The following GPHN variants were observed in gnomAD, a reference collection of about 807,000 sequenced individuals.
The protein encoded by GPHN is gephyrin.
GPHN carries 17 observed loss-of-function variants against 95.5 expected under a neutral mutation model. That is an observed-to-expected ratio of 0.18 (90% CI 0.12 to 0.27). The LOEUF (loss-of-function observed/expected upper bound fraction) is 0.27. Among genes scored for constraint, GPHN ranks in the 10% least tolerant of loss-of-function variants. The pLI is 1.00. For missense variants in GPHN, 660 were observed against 978.1 expected (o/e 0.67, Z 4.34); for synonymous variants, 320 against 322.5 (o/e 0.99, Z 0.08).
chr14:67,672,081 T>C, the GPHN span, among the ~76,000 whole-genome samples: 56 of 152,184 alleles, frequency 3.7e-4, no homozygotes, highest in Non-Finnish European at 5.9e-4. Flanking sequence ...GAAATGGGCA[T>C]TGCAAAAATT....
chr14:67,405,622 G>C, the GPHN span, among the ~76,000 whole-genome samples: 5 of 152,116 alleles, frequency 3.3e-5, no homozygotes, highest in Non-Finnish European at 5.9e-5. Flanking sequence ...GCAGAGTGAT[G>C]GTATCCCAAT....
chr14:66,990,098 G>A (rs2071304729), intron 9 of GPHN, among the ~76,000 whole-genome samples: 1 of 152,120 alleles, frequency 6.6e-6, no homozygotes, highest in African/African-American at 2.4e-5. Flanking sequence ...GGAAGGTGAA[G>A]GGGAAACAAG....
intron 2 of GPHN, among the ~76,000 whole-genome samples, chr14:66,689,814 C>T (rs890608746): frequency 6.6e-6 from 1 of 151,730 alleles, no homozygotes. Context: ...AATTTGTTGG[C>T]GTATAGTTGT....
intron 11 of GPHN, among the ~76,000 whole-genome samples, chr14:67,060,108 C>T (rs115226597): frequency 0.054 from 8,084 of 149,524 alleles, 213 homozygotes; most frequent in Non-Finnish European, 0.064. Context: ...CTGGTTTTTT[C>T]TTTTTTATAA....
the GPHN span, chr14:67,591,995 T>C: frequency 2.0e-5 from 3 of 152,320 alleles, no homozygotes; most frequent in African/African-American, 7.2e-5. Context: ...TATTAAATTA[T>C]TTACAAAGCA....
intron 4 of GPHN, among the ~76,000 whole-genome samples, chr14:66,875,832 TAGAC>T (rs1193481063): frequency 1.3e-5 from 2 of 152,088 alleles, no homozygotes; most frequent in Non-Finnish European, 2.9e-5. Context: ...CTGTCAATGT[TAGAC>T]AGATCAACGA....
chr14:66,787,617 G>A (rs2059822734), intron 3 of GPHN, among the ~76,000 whole-genome samples: 1 of 152,052 alleles, frequency 6.6e-6, no homozygotes, highest in African/African-American at 2.4e-5. Context: ...TATAGTATTG[G>A]CAGAGAAATA....
the GPHN span, among the ~76,000 whole-genome samples, chr14:67,539,294 C>G: frequency 2.6e-5 from 4 of 152,196 alleles, no homozygotes; most frequent in East Asian, 1.9e-4. Flanking sequence ...TGTCTTTTGT[C>G]TTCCTGCCCG....
At chr14:67,143,804 A>G (rs961316344) in intron 18 of GPHN, among the ~76,000 whole-genome samples, 2 of 152,050 alleles carry the variant, frequency 1.3e-5, no homozygotes, top group African/African-American at 2.4e-5. Flanking sequence ...AAATTTAAAC[A>G]TGACTCCCCA....
the GPHN span, among the ~76,000 whole-genome samples, chr14:67,216,199 G>T: frequency 6.6e-6 from 1 of 152,128 alleles, no homozygotes; most frequent in Admixed American, 6.5e-5. Flanking sequence ...ATTACATTAA[G>T]ATTTACTCCT....
intron 1 of GPHN, among the ~76,000 whole-genome samples, chr14:66,553,737 C>T (rs564221084): frequency 4.6e-5 from 7 of 152,156 alleles, no homozygotes; most frequent in African/African-American, 7.2e-5. Context: ...CCACCACGCC[C>T]GCCTAATTTT....
At chr14:66,874,716 T>C (rs1444630920) in intron 4 of GPHN, among the ~76,000 whole-genome samples, 1 of 151,868 alleles carries the variant, frequency 6.6e-6, no homozygotes, top group Non-Finnish European at 1.5e-5. Context: ...GAAAAAAGAA[T>C]GAAAAGGAAT....
intron 1 of GPHN, among the ~76,000 whole-genome samples, chr14:66,518,922 T>C (rs192239828): frequency 8.5e-5 from 13 of 152,130 alleles, no homozygotes; most frequent in African/African-American, 2.9e-4. Context: ...TCTGTAGCAT[T>C]GTAGGGTGAC....
intron 18 of GPHN, among the ~76,000 whole-genome samples, chr14:67,157,711 C>A (rs1003704983): frequency 6.6e-6 from 1 of 152,012 alleles, no homozygotes; most frequent in East Asian, 1.9e-4. Flanking sequence ...GTAATCCCAC[C>A]CAGCTACTTG....
chr14:67,156,287 A>G (rs1182004974), intron 18 of GPHN, among the ~76,000 whole-genome samples: 1 of 152,140 alleles, frequency 6.6e-6, no homozygotes, highest in African/African-American at 2.4e-5. Flanking sequence ...TATATACAAT[A>G]AATAAAATAC....
chr14:66,892,304 T>A (rs576758681), intron 5 of GPHN, among the ~76,000 whole-genome samples: 1 of 152,172 alleles, frequency 6.6e-6, no homozygotes, highest in South Asian at 2.1e-4. Context: ...ACACCTATAA[T>A]CCTAGCTACT....
chr14:66,720,207 T>G (rs150882198), intron 2 of GPHN, among the ~76,000 whole-genome samples: 1,829 of 152,298 alleles, frequency 0.012, 19 homozygotes, highest in Non-Finnish European at 0.018. Context: ...ACATTTTCAA[T>G]TGTCTAAAGA....
chr14:66,935,457 G>A (rs762578882), intron 8 of GPHN, among the ~76,000 whole-genome samples: 10 of 149,774 alleles, frequency 6.7e-5, no homozygotes, highest in African/African-American at 9.8e-5. Flanking sequence ...ATGTGTGTGT[G>A]TGAATATATA....
At chr14:67,581,592 G>A in the GPHN span, 3 of 169,716 alleles carry the variant, frequency 1.8e-5, no homozygotes, top group Admixed American at 5.5e-5. Flanking sequence ...CTTTATGAGA[G>A]TGAAATTTTG....
Sources: allele counts gnomAD v4.1 joint callset (sites outside exome capture counted in the v4.1 genomes callset), GRCh38; gene constraint gnomAD v4.1.1; transcripts MANE v1.5; gene names NCBI Gene and HGNC (gene_info 2026-07-23, HGNC 2026-07-21).